OTOGL: variants seen among roughly 807,000 people sequenced by gnomAD.
OTOGL encodes otogelin like.
Under a neutral mutation model 318.5 loss-of-function variants are expected in OTOGL, and 285 were observed. That is an observed-to-expected ratio of 0.89 (90% CI 0.81 to 0.99). The LOEUF is 0.99. Ranked by LOEUF, OTOGL falls within the 50% of genes least tolerant of loss-of-function variation. The pLI is 0.00. For missense variants in OTOGL, 2,899 were observed against 2,845.6 expected, an observed-to-expected ratio of 1.02 and a Z score of -0.43; for synonymous variants, 987 against 936.5, an observed-to-expected ratio of 1.05 and a Z score of -0.99.
intron 42 of OTOGL, among the ~76,000 whole-genome samples, chr12:80,337,480 T>C (rs1464035243): frequency 6.6e-6 from 1 of 151,870 alleles, no homozygotes; most frequent in Non-Finnish European, 1.5e-5. Context: ...ATAAGAAAAA[T>C]ATGAAAAAAT....
chr12:80,310,590 T>G, intron 29 of OTOGL, 21 bp from the exon 30 acceptor site: 1 of 1,513,424 alleles, frequency 6.6e-7, no homozygotes, highest in Non-Finnish European at 9.0e-7. Context: ...ACTTCTTTTC[T>G]CTCTTAAATT....
At chr12:80,235,328 G>T (rs1272911666) in intron 9 of OTOGL, among the ~76,000 whole-genome samples, 1 of 151,970 alleles carries the variant, frequency 6.6e-6, no homozygotes, top group Non-Finnish European at 1.5e-5. Context: ...AGCCAGGCGT[G>T]GTGGCAGACA....
chr12:80,240,737 T>C (rs1880305540), intron 11 of OTOGL, among the ~76,000 whole-genome samples: 1 of 152,096 alleles, frequency 6.6e-6, no homozygotes, highest in South Asian at 2.1e-4. Context: ...AATTTTCTTC[T>C]ACCTAAGGTC....
At chr12:80,366,733 CAT>C (rs1890567419) in intron 53 of OTOGL, 96 bp downstream of exon 53, 4 of 381,448 alleles carry the variant, frequency 1.0e-5, no homozygotes, top group African/African-American at 2.1e-5. Context: ...TTTTGAGACA[CAT>C]ACATTTTAAG....
At chr12:80,249,491 A>C (rs1200317622) in intron 11 of OTOGL, among the ~76,000 whole-genome samples, 1 of 151,596 alleles carries the variant, frequency 6.6e-6, no homozygotes, top group African/African-American at 2.4e-5. Context: ...GTCAGGGGTC[A>C]GGGACCCACT....
At chr12:80,304,096 G>T (rs1457943247) in intron 28 of OTOGL, among the ~76,000 whole-genome samples, 1 of 152,038 alleles carries the variant, frequency 6.6e-6, no homozygotes, top group Non-Finnish European at 1.5e-5. Context: ...TAGTCTTTTG[G>T]GTCTGGCTTC....
At chr12:80,262,164 A>G in intron 19 of OTOGL, 71 bp downstream of exon 19, 2 of 1,339,584 alleles carry the variant, frequency 1.5e-6, no homozygotes, top group Non-Finnish European at 2.0e-6. Context: ...CTATAATTTT[A>G]TAAAATTAGA....
Position 80,256,470 on chromosome 12 carries a change from A to C in OTOGL, c.1711+10A>C, listed in dbSNP as rs1316520560. On this transcript the variant is annotated intron_variant, in intron 17 of 58. Transcript: ENST00000547103. The stretch of plus-strand genomic sequence containing the variant: ...GGCTTCAACCTGAATGGTAAGAAAC[A>C]GTGCTAATGGTGTACTTTCTTTACA... 3.2e-6 allele frequency: 5 copies of C among 1,569,922 alleles called. No individual in the cohort carries two copies. The highest frequency in any genetic ancestry group is 4.3e-6 in the Non-Finnish European group (5 of 1,164,802).
At chr12:80,210,983 G>A (rs1877211121) in intron 3 of OTOGL, 97 bp downstream of exon 3, 3 of 790,072 alleles carry the variant, frequency 3.8e-6, no homozygotes, top group Non-Finnish European at 5.3e-6. Context: ...AAAAAAATAA[G>A]TGAAATGTTT....
intron 26 of OTOGL, among the ~76,000 whole-genome samples, chr12:80,287,671 G>C (rs1185438092): frequency 6.6e-6 from 1 of 151,716 alleles, no homozygotes; most frequent in Non-Finnish European, 1.5e-5. Context: ...TGTCTTTTTT[G>C]ATCTTTGTTG....
chr12:80,133,426 A>G (rs1871356858), intron 1 of OTOGL: 1 of 152,324 alleles, frequency 6.6e-6, no homozygotes, highest in South Asian at 2.1e-4. Context: ...GATCACCTGC[A>G]CTTGGTCTCT....
chr12:80,341,958 T>C lies in OTOGL; in HGVS notation c.5061T>C (p.Asn1687=). 6.2e-7 allele frequency: 1 copy of C among 1,601,750 alleles called. No homozygotes were observed. The highest frequency in any genetic ancestry group is 8.5e-7 in the Non-Finnish European group (1 of 1,172,374). The change falls in exon 44 of 59, where the codon AAT becomes AAC. Residue 1687 remains asparagine (N), a synonymous_variant. Transcript: ENST00000547103. ...SYTEGLCGIC[N]EDPDDDLRMQ... is the part of the protein sequence containing the mutation. ...ATATATTCTTTCAAGGAATTTGCAA[T>C]GAAGATCCGGATGATGATCTAAGGA...
At chr12:80,371,940 G>C in intron 56 of OTOGL, 79 bp from the exon 57 acceptor site, 1 of 897,918 alleles carries the variant, frequency 1.1e-6, no homozygotes, top group Admixed American at 3.4e-5. Flanking sequence ...TTTTAGAAAA[G>C]TTAGTTTTCT....
chr12:80,258,179 G>C (rs1046842821), intron 18 of OTOGL, among the ~76,000 whole-genome samples, 177 bp downstream of exon 18: 1 of 152,038 alleles, frequency 6.6e-6, no homozygotes, highest in Non-Finnish European at 1.5e-5. Context: ...TTATTTTGTA[G>C]ATAAGGAAAC....
chr12:80,336,084 G>A lies in OTOGL; in HGVS notation c.4544G>A (p.Arg1515Gln), dbSNP rs201232946. The change falls in exon 39 of 59, where the codon CGA becomes CAA. Residue 1515 changes from arginine to glutamine, a missense_variant. Physicochemically the swap from Arg to Gln is conservative, Grantham distance 43 (BLOSUM62 1). Around this residue, in one of 3 missense-constraint regions of OTOGL, gnomAD observed 2,607 missense variants for 2,524.9 expected, o/e 1.03. Coordinates refer to ENST00000547103, the MANE Select transcript of OTOGL (RefSeq NM_001378609.3). ...KDVEMPDCGFRGRPVQVNSDI... is the reference protein window; with the variant it reads ...KDVEMPDCGFQGRPVQVNSDI... ...GTGGAAATGCCTGACTGTGGTTTCC[G>A]AGGAAGGCCAGTTCAAGTGAACAGT... 2.6e-5 allele frequency: 42 copies of A among 1,598,680 alleles called. No individual in the cohort carries two copies. The highest frequency in any genetic ancestry group is 3.1e-5 in the Non-Finnish European group (37 of 1,179,400).
chr12:80,128,362 G>C (rs1209526261), intron 1 of OTOGL, among the ~76,000 whole-genome samples: 1 of 152,164 alleles, frequency 6.6e-6, no homozygotes, highest in Non-Finnish European at 1.5e-5. Context: ...GTGGATATTG[G>C]TGAACAGCAA....
chr12:80,126,644 A>G (rs1441812966), intron 1 of OTOGL, among the ~76,000 whole-genome samples: 2 of 152,142 alleles, frequency 1.3e-5, no homozygotes, highest in Non-Finnish European at 2.9e-5. Flanking sequence ...GTGGGGTGTT[A>G]ACATCTCCCG....
chr12:80,169,391 C>T (rs994427589), intron 1 of OTOGL, among the ~76,000 whole-genome samples: 3 of 152,012 alleles, frequency 2.0e-5, no homozygotes, highest in African/African-American at 4.8e-5. Flanking sequence ...TAATTTAATC[C>T]GGGAATTTGA....
intron 1 of OTOGL, among the ~76,000 whole-genome samples, chr12:80,197,541 C>T (rs530260813): frequency 3.9e-5 from 6 of 152,124 alleles, no homozygotes; most frequent in South Asian, 2.1e-4. Flanking sequence ...TTATAGAGTT[C>T]GGCTATTTTT....
Sources: gnomAD v4.1 joint callset for allele counts (sites outside exome capture counted in the v4.1 genomes callset) on GRCh38, gnomAD v4.1.1 for gene constraint, gnomAD v4.1.1 regional missense constraint, MANE v1.5 for transcripts, NCBI Gene and HGNC (gene_info 2026-07-23, HGNC 2026-07-21) for gene names.